NFYC: variants seen among roughly 807,000 people sequenced by gnomAD.
NFYC encodes the protein nuclear transcription factor Y subunit gamma.
Under a neutral mutation model 53.1 loss-of-function variants are expected in NFYC, and 25 were observed. That is an observed-to-expected ratio of 0.47 (90% CI 0.34 to 0.66). NFYC has a LOEUF of 0.66. Ranked by LOEUF, NFYC falls within the 30% of genes least tolerant of loss-of-function variation. The pLI is 0.01. For missense variants in NFYC, 260 were observed against 422.7 expected (o/e 0.62, Z 3.38); for synonymous variants, 145 against 152.6 (o/e 0.95, Z 0.37).
At position 40,770,502 on chromosome 1, in the gene NFYC, A is replaced by G. The variant is rs1455878140; in HGVS notation, c.889-207A>G. 7.7e-6 allele frequency: 12 copies of G among 1,553,524 alleles called. No homozygotes were observed. Among genetic ancestry groups the G allele is most frequent in the Non-Finnish European group, 1.0e-5 (12 of 1,148,274 alleles). ...AACTCCCTGCACCTCTTCCCTGCCC[A>G]CCACACACCCCCCCTCACACCGGGC... On this transcript the variant is annotated intron_variant, in intron 9 of 9. Transcript: ENST00000447388. The surrounding 1 kb of genome is among the most constrained non-coding windows in gnomAD (Gnocchi z 5.3).
At chr1:40,734,620 C>T (rs969719748) in intron 1 of NFYC, among the ~76,000 whole-genome samples, 3 of 152,158 alleles carry the variant, frequency 2.0e-5, no homozygotes, top group African/African-American at 7.2e-5. Flanking sequence ...CTTGGCCTCC[C>T]AAAGTGCTGG....
chr1:40,763,056 G>A lies in NFYC; in HGVS notation c.720+10G>A. 7 of 1,574,006 alleles carry A rather than the reference G, an allele frequency of 4.4e-6. No homozygotes were observed. The highest frequency in any genetic ancestry group is 6.0e-6 in the Non-Finnish European group (7 of 1,158,612). On this transcript the variant is annotated intron_variant, in intron 7 of 9. Coordinates refer to ENST00000447388, the MANE Select transcript of NFYC (RefSeq NM_014223.5). Reference sequence around the variant, plus strand: ...GATCCAGCAGATCCCGGTGAGTCCTGCCCTGAGGTCTGTCTTTACAACTTT... The same window carrying A: ...GATCCAGCAGATCCCGGTGAGTCCTACCCTGAGGTCTGTCTTTACAACTTT...
At chr1:40,741,368 A>G (rs1557844789) in intron 2 of NFYC, among the ~76,000 whole-genome samples, 1 of 152,182 alleles carries the variant, frequency 6.6e-6, no homozygotes. Flanking sequence ...AGGCTAATGT[A>G]AGTGTTCTGA....
intron 3 of NFYC, among the ~76,000 whole-genome samples, chr1:40,747,948 GC>G (rs1297740453): frequency 6.6e-6 from 1 of 151,078 alleles, no homozygotes; most frequent in Non-Finnish European, 1.5e-5. Flanking sequence ...CAATTCCCAT[GC>G]CTCAGACTCC....
intron 1 of NFYC, among the ~76,000 whole-genome samples, chr1:40,720,449 T>C (rs1644288797): frequency 1.3e-5 from 2 of 152,330 alleles, no homozygotes; most frequent in South Asian, 2.1e-4. Context: ...AACCCCACTC[T>C]TGTGGCTCTT....
chr1:40,763,771 G>T (rs1042841131), intron 7 of NFYC, among the ~76,000 whole-genome samples: 1 of 152,152 alleles, frequency 6.6e-6, no homozygotes, highest in African/African-American at 2.4e-5. Context: ...CTAGGTTCAG[G>T]TTCACCACGA....
At chr1:40,727,280 G>C (rs1644560055) in intron 1 of NFYC, among the ~76,000 whole-genome samples, 1 of 152,186 alleles carries the variant, frequency 6.6e-6, no homozygotes, top group African/African-American at 2.4e-5. Context: ...CTGGAGTGCA[G>C]TAGCAAGATC....
In NFYC at chr1:40,770,220, G is replaced by T. The variant is rs1005119307; in HGVS notation, c.889-489G>T. 4 of 661,116 alleles carry T rather than the reference G, an allele frequency of 6.1e-6. No individual in the cohort carries two copies. The highest frequency in any genetic ancestry group is 1.0e-5 in the Non-Finnish European group (4 of 393,352). The allele number at this position is 661,116 out of a possible 1,614,324, so 41.0% of individuals were successfully genotyped here. A position where few individuals can be genotyped will look rare whatever the true frequency, so the allele number is the denominator to read the frequency against. On this transcript the variant is annotated intron_variant, in intron 9 of 9. Coordinates refer to ENST00000447388, the MANE Select transcript of NFYC (RefSeq NM_014223.5). The surrounding 1 kb of genome is among the most constrained non-coding windows in gnomAD (Gnocchi z 5.3). ...TAATACCAGGCCACCTCCTTAGCAG[G>T]GTCCATGGAGAAAATTCAAATTCAG...
chr1:40,768,398 T>A (rs1262277995), intron 8 of NFYC, among the ~76,000 whole-genome samples: 3 of 152,208 alleles, frequency 2.0e-5, no homozygotes, highest in Non-Finnish European at 4.4e-5. Context: ...TAGTAAAAAA[T>A]AGTCATGAAG....
rs533107460 is a variant in NFYC at position 40,698,557 on chromosome 1, G to T, written c.-9+6690G>T. ...TTCTCCTGCCTCAGCCTCCTGAGTAGCTTGGGACTACAGGTGCGTGCCACC... is the reference window on the plus strand; with the variant it reads ...TTCTCCTGCCTCAGCCTCCTGAGTATCTTGGGACTACAGGTGCGTGCCACC... On this transcript the variant is annotated intron_variant, in intron 1 of 9. Coordinates refer to ENST00000447388, the MANE Select transcript of NFYC (RefSeq NM_014223.5). Among the ~76,000 whole-genome samples, 15 of 151,382 alleles carry T rather than the reference G, an allele frequency of 9.9e-5. No individual in the cohort carries two copies. In the East Asian group the frequency reaches 2.8e-3, roughly 28 times the overall value.
At chr1:40,723,153 C>T (rs1347837604) in intron 1 of NFYC, 2 of 151,780 alleles carry the variant, frequency 1.3e-5, no homozygotes, top group South Asian at 2.1e-4. Flanking sequence ...CTCTGAAGCC[C>T]GTAAGTTGGC....
chr1:40,743,652 C>A (rs906827438), intron 2 of NFYC, among the ~76,000 whole-genome samples: 1 of 152,182 alleles, frequency 6.6e-6, no homozygotes, highest in African/African-American at 2.4e-5. Context: ...TCTAACATTA[C>A]AATCAAATCA....
At chr1:40,704,042 T>C (rs1643572708) in intron 1 of NFYC, among the ~76,000 whole-genome samples, 1 of 151,992 alleles carries the variant, frequency 6.6e-6, no homozygotes, top group Admixed American at 6.6e-5. Context: ...TTCAACCGTG[T>C]AACCAGAGTT....
chr1:40,725,886 T>G (rs901183804), intron 1 of NFYC, among the ~76,000 whole-genome samples: 1 of 152,236 alleles, frequency 6.6e-6, no homozygotes, highest in Non-Finnish European at 1.5e-5. Flanking sequence ...GTTTATATTA[T>G]AGTGTAGCCT....
At chr1:40,722,569 T>C (rs932132215) in intron 1 of NFYC, among the ~76,000 whole-genome samples, 14 of 152,262 alleles carry the variant, frequency 9.2e-5, no homozygotes, top group Non-Finnish European at 1.8e-4. Flanking sequence ...GTTGGTGTCT[T>C]GTCTAGCTTC....
At chr1:40,754,339 C>A (rs771724671) in intron 5 of NFYC, 2 of 534,480 alleles carry the variant, frequency 3.7e-6, no homozygotes, top group South Asian at 2.8e-5. Context: ...TGCCTCACTG[C>A]GTCTCCGTTC....
chr1:40,730,622 A>G (rs185697777), intron 1 of NFYC: 8 of 984,192 alleles, frequency 8.1e-6, no homozygotes, highest in African/African-American at 5.2e-5. Flanking sequence ...TGCCTTGATC[A>G]TAGAGAGATA....
At position 40,770,575 on chromosome 1, in the gene NFYC, C is replaced by A. The variant is rs761636567; in HGVS notation, c.889-134C>A. 1 of 1,607,118 alleles carries A rather than the reference C, an allele frequency of 6.2e-7. No homozygotes were observed. The highest frequency in any genetic ancestry group is 8.5e-7 in the Non-Finnish European group (1 of 1,176,770). ...TCCCAACCCCAGCAGAGCTCCACTT[C>A]CCCTCCTCCTTCTGACGCCTTGCAG... is the stretch of plus-strand genomic sequence containing the variant. On this transcript the variant is annotated intron_variant, in intron 9 of 9. Transcript: ENST00000447388. The surrounding 1 kb of genome is among the most constrained non-coding windows in gnomAD (Gnocchi z 5.3).
intron 1 of NFYC, among the ~76,000 whole-genome samples, chr1:40,708,035 C>G (rs900579648): frequency 3.3e-5 from 5 of 152,134 alleles, no homozygotes; most frequent in African/African-American, 1.2e-4. Flanking sequence ...AAAATTGTGT[C>G]TGTACGGAAC....
Sources: gnomAD v4.1 joint callset for allele counts (sites outside exome capture counted in the v4.1 genomes callset) on GRCh38, gnomAD v4.1.1 for gene constraint, Gnocchi (gnomAD v3.1) non-coding constraint, MANE v1.5 for transcripts, NCBI Gene and HGNC (gene_info 2026-07-23, HGNC 2026-07-21) for gene names.